CHIC1: variants seen among roughly 807,000 people sequenced by gnomAD.
CHIC1 encodes the protein cysteine-rich hydrophobic domain-containing protein 1.
A neutral mutation model predicts 18.5 loss-of-function variants in CHIC1; 7 were observed. The ratio of observed to expected loss-of-function variants is 0.38; its 90% CI spans 0.22 to 0.71. The LOEUF (loss-of-function observed/expected upper bound fraction) is 0.71. Among genes scored for constraint, CHIC1 ranks in the 30% least tolerant of loss-of-function variants. The pLI is 0.49. For missense variants in CHIC1, 159 were observed against 176.9 expected (o/e 0.90, Z 0.57); for synonymous variants, 77 against 73.5 (o/e 1.05, Z -0.25).
intron 3 of CHIC1, among the ~76,000 whole-genome samples, chrX:73,593,941 T>G (rs764197332): frequency 1.8e-5 from 2 of 111,768 alleles, no homozygotes; most frequent in East Asian, 5.7e-4. Flanking sequence ...TCTGGGGACA[T>G]AGTGCAATCA....
In CHIC1 at chrX:73,606,858, G is replaced by A. The variant is rs186986615; in HGVS notation, c.507+22286G>A. Among the ~76,000 whole-genome samples, 61 of 108,997 alleles carry A rather than the reference G, an allele frequency of 5.6e-4. 2 individuals carry two copies. Among genetic ancestry groups the A allele is most frequent in the Non-Finnish European group, 7.9e-4 (42 of 53,157 alleles). 94.7% of individuals were successfully genotyped at this position (108,997 alleles called of 115,157 possible). Reference sequence around the variant, plus strand: ...GCCTGCTCCTTCCTCTGTAAGCTTCGTCTCAGAGGGGCACCTGCCAGATGC... The same window carrying A: ...GCCTGCTCCTTCCTCTGTAAGCTTCATCTCAGAGGGGCACCTGCCAGATGC... On this transcript the variant is annotated intron_variant, in intron 3 of 5. Transcript: ENST00000373502.
intron 1 of CHIC1, among the ~76,000 whole-genome samples, chrX:73,574,855 ATTC>A (rs1169092288): frequency 9.1e-6 from 1 of 109,803 alleles, no homozygotes; most frequent in African/African-American, 3.3e-5. Flanking sequence ...AATCTTGTTT[ATTC>A]TTTGAAATAA....
intron 3 of CHIC1, among the ~76,000 whole-genome samples, chrX:73,646,859 A>G (rs2057891802): frequency 9.1e-6 from 1 of 110,169 alleles, no homozygotes; most frequent in African/African-American, 3.5e-5. Flanking sequence ...AGTTTTATCC[A>G]TAAAATCTTT....
intron 3 of CHIC1, among the ~76,000 whole-genome samples, chrX:73,656,982 G>A (rs1021282953): frequency 9.1e-6 from 1 of 110,245 alleles, no homozygotes; most frequent in Non-Finnish European, 1.9e-5. Context: ...TCTTTGAGCA[G>A]TGTTTTGTAG....
At chrX:73,664,525 A>G (rs1361802431) in intron 3 of CHIC1, among the ~76,000 whole-genome samples, 2 of 111,049 alleles carry the variant, frequency 1.8e-5, no homozygotes, top group Non-Finnish European at 3.8e-5. Flanking sequence ...TAGCATTTTC[A>G]TAAGCCAGTT....
chrX:73,615,660 TGGG>T (rs1467890020), intron 3 of CHIC1, among the ~76,000 whole-genome samples: 1 of 110,547 alleles, frequency 9.0e-6, no homozygotes, highest in South Asian at 3.9e-4. Context: ...CTTGGGCACT[TGGG>T]GGGTGGGGTT....
intron 1 of CHIC1, among the ~76,000 whole-genome samples, chrX:73,568,837 C>T (rs1446985909): frequency 9.0e-6 from 1 of 111,502 alleles, no homozygotes; most frequent in Non-Finnish European, 1.9e-5. Flanking sequence ...CAGTGCATTT[C>T]TCCAAAAACT....
intron 3 of CHIC1, among the ~76,000 whole-genome samples, chrX:73,591,244 G>A (rs912866751): frequency 9.1e-6 from 1 of 110,360 alleles, no homozygotes; most frequent in Non-Finnish European, 1.9e-5. Flanking sequence ...TCTTTGAAGA[G>A]GTTTCTGATC....
chrX:73,676,161 A>C (rs1467728062), intron 3 of CHIC1, among the ~76,000 whole-genome samples: 1 of 111,774 alleles, frequency 8.9e-6, no homozygotes, highest in East Asian at 2.8e-4. Context: ...GGCTGCCCTT[A>C]ACATTTTTTC....
intron 3 of CHIC1, among the ~76,000 whole-genome samples, chrX:73,606,478 G>A (rs1053548974): frequency 5.6e-5 from 6 of 107,101 alleles, no homozygotes; most frequent in Non-Finnish European, 7.6e-5. Context: ...CTGAAGCCTA[G>A]TTCTGTCACT....
rs1052640498 is a variant in CHIC1 at position 73,563,352 on chromosome X, A to G, written c.68A>G (p.Glu23Gly). The G allele has an allele frequency of 8.7e-7, 1 of 1,154,292 alleles. No individual in the cohort carries two copies. The highest frequency in any genetic ancestry group is 2.6e-5 in the Admixed American group (1 of 37,751). The change falls in exon 1 of 6, where the codon GAA becomes GGA. Residue 23 changes from glutamate (E) to glycine (G), a missense_variant. Coordinates refer to ENST00000373502, the MANE Select transcript of CHIC1 (RefSeq NM_001039840.4). The part of the protein sequence containing the change: ...TISELEEEEE[E>G]EAATSSSSPS... ...TCGGAACTGGAGGAGGAGGAGGAAG[A>G]AGAAGCGGCAACGTCGTCGTCGTCG...
intron 3 of CHIC1, among the ~76,000 whole-genome samples, chrX:73,625,531 A>G (rs781134077): frequency 3.6e-5 from 4 of 111,585 alleles, no homozygotes; most frequent in Admixed American, 2.8e-4. Flanking sequence ...GATCTTCTCC[A>G]GCATTCCCAT....
At position 73,662,042 on chromosome X, in the gene CHIC1, A is replaced by G. The variant is rs945238964; in HGVS notation, c.508-17284A>G. Among the ~76,000 whole-genome samples, 176 of 109,224 alleles carry G rather than the reference A, an allele frequency of 1.6e-3. 2 individuals are homozygous for G. The highest frequency in any genetic ancestry group is 5.3e-3 in the African/African-American group (160 of 30,044). 94.8% of individuals were successfully genotyped at this position (109,224 alleles called of 115,157 possible). A position where few individuals can be genotyped will look rare whatever the true frequency, so the allele number is the denominator to read the frequency against. ...ACCCTAAAACTTAAAGTATAATAATAAAAAAATAAATAAAAATAAATAAAT... is the reference window on the plus strand; with the variant it reads ...ACCCTAAAACTTAAAGTATAATAATGAAAAAATAAATAAAAATAAATAAAT... On this transcript the variant is annotated intron_variant, in intron 3 of 5. Transcript: ENST00000373502.
chrX:73,590,289 A>G (rs183965566), intron 3 of CHIC1, among the ~76,000 whole-genome samples: 1 of 110,762 alleles, frequency 9.0e-6, no homozygotes, highest in Admixed American at 9.6e-5. Context: ...TCACTTTTTA[A>G]TATGCAATTT....
At chrX:73,627,059 C>G (rs1421905096) in intron 3 of CHIC1, among the ~76,000 whole-genome samples, 2 of 102,423 alleles carry the variant, frequency 2.0e-5, no homozygotes, top group African/African-American at 3.7e-5. Flanking sequence ...GAGATACCAC[C>G]TTTTTGGTCT....
intron 3 of CHIC1, among the ~76,000 whole-genome samples, chrX:73,615,970 C>T (rs1814752422): frequency 9.0e-6 from 1 of 110,936 alleles, no homozygotes; most frequent in Non-Finnish European, 1.9e-5. Context: ...GGGGTTGTTA[C>T]CAATGATTCA....
At chrX:73,669,281 G>A (rs1289033852) in intron 3 of CHIC1, among the ~76,000 whole-genome samples, 2 of 112,172 alleles carry the variant, frequency 1.8e-5, no homozygotes, top group Non-Finnish European at 3.8e-5. Context: ...GTTCCAGCAG[G>A]CATGGCTGAA....
intron 3 of CHIC1, among the ~76,000 whole-genome samples, chrX:73,636,336 A>G (rs746434124): frequency 4.7e-4 from 52 of 111,165 alleles, no homozygotes; most frequent in Non-Finnish European, 8.5e-4. Flanking sequence ...TGAGGTGGCT[A>G]TTCACAGGAA....
intron 3 of CHIC1, among the ~76,000 whole-genome samples, chrX:73,613,296 A>C (rs1409317026): frequency 8.9e-5 from 10 of 111,744 alleles, no homozygotes; most frequent in Non-Finnish European, 1.3e-4. Flanking sequence ...CCATTGTTAA[A>C]GATGGGGCCT....
Sources: allele counts gnomAD v4.1 joint callset (sites outside exome capture counted in the v4.1 genomes callset), GRCh38; gene constraint gnomAD v4.1.1; transcripts MANE v1.5; gene names NCBI Gene and HGNC (gene_info 2026-07-23, HGNC 2026-07-21).